Variants in GLB1 observed in about 807,000 individuals in gnomAD.
GLB1 encodes beta-galactosidase.
A neutral mutation model predicts 74.0 loss-of-function variants in GLB1; 56 were observed. The ratio of observed to expected loss-of-function variants is 0.76; its 90% confidence interval spans 0.61 to 0.94. The LOEUF is 0.94. Among genes scored for constraint, GLB1 ranks in the 40% least tolerant of loss-of-function variants. GLB1 has a pLI of 0.00. For synonymous variants in GLB1, 323 were observed against 323.6 expected (o/e 1.00, Z 0.02); for missense variants, 787 against 845.5 (o/e 0.93, Z 0.86).
At chr3:33,003,060 C>G (rs1696643327) in intron 15 of GLB1, among the ~76,000 whole-genome samples, 1 of 152,180 alleles carries the variant, frequency 6.6e-6, no homozygotes, top group Non-Finnish European at 1.5e-5. Context: ...CCTTCAGAAC[C>G]CCAAAAGGCT....
chr3:33,034,645 G>A, intron 10 of GLB1: 5 of 729,296 alleles, frequency 6.9e-6, no homozygotes, highest in Admixed American at 1.9e-5. Context: ...TGTAGCATGC[G>A]GGCAGGTCCA....
intron 13 of GLB1, among the ~76,000 whole-genome samples, chr3:33,018,081 C>T (rs1363862240): frequency 6.6e-6 from 1 of 151,754 alleles, no homozygotes; most frequent in Non-Finnish European, 1.5e-5. Context: ...CTCCGGAGTT[C>T]AAGACCAGCC....
intron 7 of GLB1, among the ~76,000 whole-genome samples, chr3:33,052,362 A>G (rs1699028987): frequency 6.6e-6 from 1 of 152,212 alleles, no homozygotes; most frequent in Non-Finnish European, 1.5e-5. Flanking sequence ...GGCCGGGCGC[A>G]GTGGCTCATG....
chr3:33,037,920 C>T lies in GLB1; in HGVS notation c.1068+8200G>A, dbSNP rs75487662. ...CAGATGTGGAAGGAGGGTACCTTGCCCACTGAGTACTGGAGTCAACACTCA... is the reference window on the plus strand; with the variant it reads ...CAGATGTGGAAGGAGGGTACCTTGCTCACTGAGTACTGGAGTCAACACTCA... On this transcript the variant is annotated intron_variant, in intron 10 of 15. Transcript: ENST00000307363. 2.0e-3 allele frequency: 294 copies of T among 150,638 alleles called. 1 individual carries two copies. The highest frequency in any genetic ancestry group is 6.8e-3 in the African/African-American group (280 of 41,056). The allele number at this position is 150,638 out of a possible 1,614,324, so 9.3% of individuals were successfully genotyped here.
chr3:33,052,369 C>A (rs894783422), intron 7 of GLB1, among the ~76,000 whole-genome samples: 1 of 152,320 alleles, frequency 6.6e-6, no homozygotes, highest in Non-Finnish European at 1.5e-5. Flanking sequence ...CGCAGTGGCT[C>A]ATGCCTGTAA....
chr3:33,096,456 A>G (rs1701031893), intron 1 of GLB1: 1 of 983,250 alleles, frequency 1.0e-6, no homozygotes, highest in Non-Finnish European at 1.2e-6. Context: ...AAATACAAAG[A>G]AAAACCCAAG....
rs762088485 is a variant in GLB1, at chr3:32,997,265, T to A, written c.1814A>T (p.Gln605Leu). 4.3e-6 allele frequency: 7 copies of A among 1,614,178 alleles called. No individual in the cohort carries two copies. The highest frequency in any genetic ancestry group is 2.5e-6 in the Non-Finnish European group (3 of 1,180,032). ...RGPQLTLFVP[Q>L]HILMTSAPNT... The stretch of plus-strand genomic sequence containing the variant: ...TGGGGCCGAGGTCATCAGGATGTGC[T>A]GGGGCACAAACAAGGTCAACTGAGG... The change falls in exon 16 of 16, where the codon CAG (glutamine) becomes CTG (leucine). Residue 605 changes from glutamine (Q) to leucine (L), a missense_variant. Gln to Leu is a moderately radical substitution (Grantham distance 113, BLOSUM62 -2). Transcript: ENST00000307363.
chr3:33,043,211 G>A (rs376734491), intron 10 of GLB1, among the ~76,000 whole-genome samples: 1 of 152,180 alleles, frequency 6.6e-6, no homozygotes, highest in Non-Finnish European at 1.5e-5. Flanking sequence ...GTAGGAACTT[G>A]CTGCCTAAAA....
intron 10 of GLB1, chr3:33,030,573 A>T (rs1182966499): frequency 1.0e-6 from 1 of 985,354 alleles, no homozygotes; most frequent in East Asian, 1.1e-4. Context: ...ACAGTGCAGG[A>T]TGATCAATCA....
At chr3:32,969,651 A>G in the GLB1 span, among the ~76,000 whole-genome samples, 2 of 152,204 alleles carry the variant, frequency 1.3e-5, no homozygotes, top group Non-Finnish European at 2.9e-5. Flanking sequence ...TTCCCAGGAA[A>G]ATAAGAACTA....
At chr3:33,033,169 G>A (rs1309627963) in intron 10 of GLB1, among the ~76,000 whole-genome samples, 2 of 152,186 alleles carry the variant, frequency 1.3e-5, no homozygotes, top group East Asian at 3.8e-4. Flanking sequence ...TATGCCTAAA[G>A]GCACCCAGCC....
At chr3:33,035,693 A>AT (rs1374898966) in intron 10 of GLB1, among the ~76,000 whole-genome samples, 1 of 152,088 alleles carries the variant, frequency 6.6e-6, no homozygotes, top group Non-Finnish European at 1.5e-5. Flanking sequence ...CCATGCCGGC[A>AT]TTTTCACCCT....
intron 1 of GLB1, among the ~76,000 whole-genome samples, chr3:33,083,659 C>T (rs1179459894): frequency 6.6e-6 from 1 of 152,022 alleles, no homozygotes; most frequent in Non-Finnish European, 1.5e-5. Context: ...AAAGCAATTC[C>T]GAACAAACCA....
intron 11 of GLB1, among the ~76,000 whole-genome samples, chr3:33,021,861 G>T (rs534521051): frequency 6.6e-6 from 1 of 152,262 alleles, no homozygotes; most frequent in East Asian, 1.9e-4. Flanking sequence ...AACTATGAAT[G>T]ATAGTAGTCT....
the GLB1 span, among the ~76,000 whole-genome samples, chr3:32,972,589 A>G: frequency 6.6e-6 from 1 of 152,190 alleles, no homozygotes; most frequent in African/African-American, 2.4e-5. Context: ...TCAGTCAACT[A>G]TGGAGGCAAT....
At chr3:32,985,063 C>A in the GLB1 span, among the ~76,000 whole-genome samples, 6 of 148,736 alleles carry the variant, frequency 4.0e-5, no homozygotes, top group Non-Finnish European at 8.9e-5. Context: ...TGTGTTCATG[C>A]CACTGCACTC....
chr3:33,051,240 A>G (rs1419627267), intron 9 of GLB1, among the ~76,000 whole-genome samples: 19 of 150,080 alleles, frequency 1.3e-4, no homozygotes, highest in Admixed American at 2.6e-4. Context: ...TCTCAAAAAA[A>G]AAAAAAAAAA....
At chr3:32,998,512 CAAA>C (rs35791447) in intron 15 of GLB1, among the ~76,000 whole-genome samples, 6 of 84,416 alleles carry the variant, frequency 7.1e-5, no homozygotes, top group Admixed American at 1.3e-4. Context: ...GACTCCGTCT[CAAA>C]AAAAAAAAAA....
At chr3:33,022,521 G>A (rs961553242) in intron 11 of GLB1, among the ~76,000 whole-genome samples, 1 of 140,002 alleles carries the variant, frequency 7.1e-6, no homozygotes, top group East Asian at 2.1e-4. Context: ...GTTAGATTTG[G>A]CTCCAAACCC....
Sources: allele counts gnomAD v4.1 joint callset (sites outside exome capture counted in the v4.1 genomes callset), GRCh38; gene constraint gnomAD v4.1.1; transcripts MANE v1.5; gene names NCBI Gene and HGNC (gene_info 2026-07-23, HGNC 2026-07-21).